Variants in MIPOL1 observed in about 807,000 individuals in gnomAD.
MIPOL1 encodes mirror-image polydactyly 1.
A neutral mutation model predicts 60.9 loss-of-function variants in MIPOL1; 57 were observed. That is an observed-to-expected ratio of 0.94 (90% CI 0.76 to 1.17). The LOEUF is 1.17. Among genes scored for constraint, MIPOL1 ranks in the 50% most tolerant of loss-of-function variants. The pLI is 0.00. For missense variants in MIPOL1, 551 were observed against 511.6 expected, an observed-to-expected ratio of 1.08 and a Z score of -0.74; for synonymous variants, 179 against 168.8, an observed-to-expected ratio of 1.06 and a Z score of -0.47.
chr14:37,374,394 T>C (rs949367415), intron 10 of MIPOL1, among the ~76,000 whole-genome samples: 37 of 152,306 alleles, frequency 2.4e-4, no homozygotes, highest in African/African-American at 8.9e-4. Flanking sequence ...TTTAATTAGA[T>C]CCCATTTGTC....
At chr14:37,528,392 A>G (rs2095460546) in intron 12 of MIPOL1, among the ~76,000 whole-genome samples, 1 of 152,076 alleles carries the variant, frequency 6.6e-6, no homozygotes, top group Non-Finnish European at 1.5e-5. Context: ...ACTTAAAGCT[A>G]GATATTTGCA....
intron 12 of MIPOL1, chr14:37,506,937 G>T (rs1820267516): frequency 6.6e-6 from 1 of 152,028 alleles, no homozygotes; most frequent in Non-Finnish European, 1.5e-5. Context: ...TCAAAAAGTG[G>T]GCCAAGGATA....
chr14:37,306,744 T>C (rs1390125470), intron 7 of MIPOL1, among the ~76,000 whole-genome samples: 1 of 151,832 alleles, frequency 6.6e-6, no homozygotes, highest in Non-Finnish European at 1.5e-5. Context: ...GGTTTTTCAA[T>C]TGAGATGAAA....
intron 1 of MIPOL1, among the ~76,000 whole-genome samples, chr14:37,231,896 A>G (rs902708472): frequency 6.6e-6 from 1 of 151,920 alleles, no homozygotes; most frequent in African/African-American, 2.4e-5. Context: ...CCTGGGCAAC[A>G]TAGGGAGATC....
chr14:37,435,156 G>A (rs1214925606), intron 11 of MIPOL1, among the ~76,000 whole-genome samples: 2 of 152,080 alleles, frequency 1.3e-5, no homozygotes, highest in Non-Finnish European at 2.9e-5. Flanking sequence ...GTTTGTACAC[G>A]TATACATATA....
intron 5 of MIPOL1, among the ~76,000 whole-genome samples, chr14:37,269,602 G>A (rs2083137971): frequency 6.6e-6 from 1 of 152,036 alleles, no homozygotes; most frequent in Non-Finnish European, 1.5e-5. Flanking sequence ...TGCCACTTAT[G>A]AGTCAGGTGT....
intron 1 of MIPOL1, chr14:37,240,283 A>C (rs372160940): frequency 1.7e-4 from 26 of 152,336 alleles, no homozygotes; most frequent in South Asian, 1.5e-3. Context: ...TAAGCATTAT[A>C]ATATATGATG....
intron 10 of MIPOL1, among the ~76,000 whole-genome samples, chr14:37,419,128 T>C (rs1448272394): frequency 2.0e-5 from 3 of 152,132 alleles, no homozygotes; most frequent in Non-Finnish European, 4.4e-5. Flanking sequence ...GATGTACAGA[T>C]TGTGATACAT....
At chr14:37,260,837 G>T (rs2153377566) in intron 3 of MIPOL1, among the ~76,000 whole-genome samples, 1 of 152,172 alleles carries the variant, frequency 6.6e-6, no homozygotes, top group African/African-American at 2.4e-5. Flanking sequence ...TAGATTCTCA[G>T]GAAGATAGGA....
chr14:37,295,596 G>A (rs540777318), intron 7 of MIPOL1, among the ~76,000 whole-genome samples: 84 of 152,118 alleles, frequency 5.5e-4, no homozygotes, highest in Middle Eastern at 6.8e-3. Context: ...TCAAAATAAA[G>A]GGATGGAGGA....
At chr14:37,270,255 T>G (rs1192840388) in intron 5 of MIPOL1, among the ~76,000 whole-genome samples, 165 bp from the exon 6 acceptor site, 1 of 152,194 alleles carries the variant, frequency 6.6e-6, no homozygotes, top group Non-Finnish European at 1.5e-5. Context: ...CAGGTAATTA[T>G]TACTTTATAA....
chr14:37,264,153 A>G (rs2082700828), intron 3 of MIPOL1, among the ~76,000 whole-genome samples: 1 of 152,170 alleles, frequency 6.6e-6, no homozygotes. Flanking sequence ...ACTTAGAGTT[A>G]CTAACTGCTT....
At chr14:37,205,133 T>G (rs1321878400) in intron 1 of MIPOL1, among the ~76,000 whole-genome samples, 1 of 152,096 alleles carries the variant, frequency 6.6e-6, no homozygotes, top group Non-Finnish European at 1.5e-5. Context: ...GACGGAGTTT[T>G]GCTTTTATTG....
rs1164236105 is a variant in MIPOL1 at position 37,476,951 on chromosome 14, A to T, written c.1032-22957A>T. On this transcript the variant is annotated intron_variant, in intron 11 of 12. Transcript: ENST00000684589. ...AGACTTTCTCTGTCACCCAGGCTGG[A>T]GTGCAGTGGCGTGATCTCAGCTCAC... Among the ~76,000 whole-genome samples, 31 of 124,218 alleles carry T rather than the reference A, an allele frequency of 2.5e-4. 1 individual carries two copies. The highest frequency in any genetic ancestry group is 4.0e-4 in the Non-Finnish European group (26 of 64,302). The allele number at this position is 124,218 out of a possible 152,430, so 81.5% of individuals were successfully genotyped here.
At chr14:37,477,592 G>GC (rs961375304) in intron 11 of MIPOL1, among the ~76,000 whole-genome samples, 1 of 152,110 alleles carries the variant, frequency 6.6e-6, no homozygotes, top group African/African-American at 2.4e-5. Flanking sequence ...AATTCAAAGT[G>GC]TAAAACTTTT....
intron 7 of MIPOL1, among the ~76,000 whole-genome samples, chr14:37,299,188 A>G (rs546968976): frequency 2.6e-5 from 4 of 151,978 alleles, no homozygotes; most frequent in Non-Finnish European, 4.4e-5. Context: ...TCAGCAAACT[A>G]TTGCAAGGAC....
At chr14:37,478,299 G>A (rs1384423150) in intron 11 of MIPOL1, among the ~76,000 whole-genome samples, 1 of 152,126 alleles carries the variant, frequency 6.6e-6, no homozygotes, top group Non-Finnish European at 1.5e-5. Context: ...CAAAGATCTA[G>A]CACAATGAAC....
intron 7 of MIPOL1, among the ~76,000 whole-genome samples, chr14:37,286,575 G>A (rs529766662): frequency 6.6e-6 from 1 of 152,274 alleles, no homozygotes; most frequent in Admixed American, 6.5e-5. Flanking sequence ...CTTGTCCAGT[G>A]TTGTCCTAGG....
intron 3 of MIPOL1, among the ~76,000 whole-genome samples, chr14:37,257,918 A>G (rs1975230345): frequency 6.6e-6 from 1 of 152,132 alleles, no homozygotes; most frequent in African/African-American, 2.4e-5. Context: ...CCTGGCAACA[A>G]AGCTATGCGG....
Sources: allele counts gnomAD v4.1 joint callset (sites outside exome capture counted in the v4.1 genomes callset), GRCh38; gene constraint gnomAD v4.1.1; transcripts MANE v1.5; gene names NCBI Gene and HGNC (gene_info 2026-07-23, HGNC 2026-07-21).